The following CADPS variants were observed in gnomAD, a reference collection of about 807,000 sequenced individuals.
The protein encoded by CADPS is calcium-dependent secretion activator 1.
Under a neutral mutation model 167.3 loss-of-function variants are expected in CADPS, and 57 were observed. That is an observed-to-expected ratio of 0.34 (90% CI 0.28 to 0.42). CADPS has a LOEUF of 0.42. Ranked by LOEUF, CADPS falls within the 20% of genes least tolerant of loss-of-function variation. CADPS has a pLI of 1.00. For synonymous variants in CADPS, 676 were observed against 635.3 expected, an observed-to-expected ratio of 1.06 and a Z score of -0.96; for missense variants, 1,414 against 1,738.1, an observed-to-expected ratio of 0.81 and a Z score of 3.32.
At chr3:62,866,307 CTG>C (rs2081665776) in intron 1 of CADPS, among the ~76,000 whole-genome samples, 1 of 152,030 alleles carries the variant, frequency 6.6e-6, no homozygotes, top group Non-Finnish European at 1.5e-5. Context: ...GACAACGTCT[CTG>C]TAATAAAGGT....
In CADPS at chr3:62,412,008, T is replaced by C. The variant is rs1440905347; in HGVS notation, c.3778-8823A>G. 6.6e-6 allele frequency among the ~76,000 whole-genome samples: 1 copy of C among 152,068 alleles called. No homozygotes were observed. Among genetic ancestry groups the C allele is most frequent in the Non-Finnish European group, 1.5e-5 (1 of 68,024 alleles). ...CAGTCACAGCTTCAGGACGCGCAGCTAACAGCACAAAGCTATAATCAGACA... is the reference window on the plus strand; with the variant it reads ...CAGTCACAGCTTCAGGACGCGCAGCCAACAGCACAAAGCTATAATCAGACA... On this transcript the variant is annotated intron_variant, in intron 28 of 29. Coordinates refer to ENST00000383710, the MANE Select transcript of CADPS (RefSeq NM_003716.4). This position sits in a 1 kb window ranked among gnomAD's most constrained non-coding sequence, Gnocchi z 4.1.
intron 3 of CADPS, among the ~76,000 whole-genome samples, chr3:62,699,777 C>G (rs2081052988): frequency 6.6e-6 from 1 of 152,046 alleles, no homozygotes; most frequent in Non-Finnish European, 1.5e-5. Context: ...CTACGTTGAC[C>G]AGGCTGATCT....
At position 62,438,316 on chromosome 3, in the gene CADPS, T is replaced by C. The variant is rs1252523343; in HGVS notation, c.3670-105A>G. ...CTTGCCCTCACACACCCTGAGATGCTTCTGCTGGATCAGCTTTGTAGGCAT... is the reference window on the plus strand; with the variant it reads ...CTTGCCCTCACACACCCTGAGATGCCTCTGCTGGATCAGCTTTGTAGGCAT... On this transcript the variant is annotated intron_variant, in intron 27 of 29. Coordinates refer to ENST00000383710, the MANE Select transcript of CADPS (RefSeq NM_003716.4). This position sits in a 1 kb window ranked among gnomAD's most constrained non-coding sequence, Gnocchi z 4.7. The C allele has an allele frequency of 1.2e-5, 9 of 771,906 alleles. No homozygotes were observed. The highest frequency in any genetic ancestry group is 2.0e-5 in the Non-Finnish European group (9 of 451,626). The allele number at this position is 771,906 out of a possible 1,614,324, so 47.8% of individuals were successfully genotyped here. A position where few individuals can be genotyped will look rare whatever the true frequency, so the allele number is the denominator to read the frequency against.
intron 1 of CADPS, among the ~76,000 whole-genome samples, chr3:62,830,152 A>C (rs1397647470): frequency 1.3e-5 from 2 of 152,182 alleles, no homozygotes. Flanking sequence ...AAGCATCTTC[A>C]GGTAATATAT....
intron 3 of CADPS, among the ~76,000 whole-genome samples, chr3:62,734,165 G>A (rs141929064): frequency 2.6e-5 from 4 of 152,214 alleles, no homozygotes; most frequent in South Asian, 2.1e-4. Context: ...ACAGTTTGAC[G>A]AATTTTTACC....
intron 11 of CADPS, among the ~76,000 whole-genome samples, chr3:62,546,903 A>AGACT (rs2076536214): frequency 6.6e-6 from 1 of 152,162 alleles, no homozygotes; most frequent in Admixed American, 6.6e-5. Context: ...TACTGAGGGA[A>AGACT]GACTGTATTC....
At chr3:62,637,031 A>G (rs946262632) in intron 6 of CADPS, among the ~76,000 whole-genome samples, 6 of 151,848 alleles carry the variant, frequency 4.0e-5, no homozygotes, top group African/African-American at 1.5e-4. Flanking sequence ...TTTTCCTTCT[A>G]TTTCTTAACA....
At chr3:62,563,337 T>G (rs537078807) in intron 9 of CADPS, among the ~76,000 whole-genome samples, 7 of 152,344 alleles carry the variant, frequency 4.6e-5, no homozygotes, top group African/African-American at 1.7e-4. Context: ...TAATATTGTA[T>G]TCCCAGGTGA....
intron 6 of CADPS, among the ~76,000 whole-genome samples, chr3:62,623,572 G>GCCCTA (rs886219202): frequency 2.3e-4 from 35 of 152,086 alleles, no homozygotes; most frequent in African/African-American, 8.0e-4. Context: ...CAAGAATCAA[G>GCCCTA]CCCTAAATTG....
intron 13 of CADPS, among the ~76,000 whole-genome samples, 185 bp from the exon 14 acceptor site, chr3:62,518,435 T>C (rs1162490635): frequency 2.6e-5 from 4 of 152,176 alleles, no homozygotes; most frequent in African/African-American, 9.6e-5. Flanking sequence ...GGTTATCATT[T>C]TGGAAACATG....
chr3:62,717,650 A>T (rs2084943124), intron 3 of CADPS, among the ~76,000 whole-genome samples: 3 of 152,066 alleles, frequency 2.0e-5, no homozygotes. Context: ...TCAATATCAC[A>T]AGACACCATC....
intron 3 of CADPS, among the ~76,000 whole-genome samples, chr3:62,735,087 C>T (rs1029616150): frequency 6.6e-6 from 1 of 151,990 alleles, no homozygotes; most frequent in South Asian, 2.1e-4. Context: ...GTATTTATAA[C>T]GCATTTTTTT....
chr3:62,421,483 G>A lies in CADPS; in HGVS notation c.3777+16621C>T, dbSNP rs1433726404. Among the ~76,000 whole-genome samples the A allele has an allele frequency of 6.6e-6, 1 of 152,180 alleles. No homozygotes were observed. Among genetic ancestry groups the A allele is most frequent in the African/African-American group, 2.4e-5 (1 of 41,424 alleles). Reference sequence around the variant, plus strand: ...CGGAACTGCGCCGTGCAGCTTATCCGCATGCACCCACAGCAGCTGTCACTT... The same window carrying A: ...CGGAACTGCGCCGTGCAGCTTATCCACATGCACCCACAGCAGCTGTCACTT... On this transcript the variant is annotated intron_variant, in intron 28 of 29. Coordinates refer to ENST00000383710, the MANE Select transcript of CADPS (RefSeq NM_003716.4). The surrounding 1 kb of genome is among the most constrained non-coding windows in gnomAD (Gnocchi z 4.7).
intron 18 of CADPS, among the ~76,000 whole-genome samples, chr3:62,495,639 G>T (rs1266056713): frequency 6.6e-6 from 1 of 152,158 alleles, no homozygotes; most frequent in Non-Finnish European, 1.5e-5. Flanking sequence ...TGTATATTTT[G>T]CACACAAACT....
chr3:62,605,822 C>G (rs776468288), intron 6 of CADPS, among the ~76,000 whole-genome samples: 3 of 152,188 alleles, frequency 2.0e-5, no homozygotes, highest in Admixed American at 1.3e-4. Context: ...CAAAGATGCA[C>G]AAGTAATCCA....
At chr3:62,432,751 T>G (rs903211865) in intron 28 of CADPS, among the ~76,000 whole-genome samples, 5 of 152,160 alleles carry the variant, frequency 3.3e-5, no homozygotes, top group African/African-American at 4.8e-5. Context: ...GCTGAGGCTC[T>G]TAGAGATTAA....
intron 6 of CADPS, among the ~76,000 whole-genome samples, chr3:62,639,422 T>C (rs2066971567): frequency 6.6e-6 from 1 of 152,092 alleles, no homozygotes; most frequent in East Asian, 1.9e-4. Context: ...CTCATTCCCT[T>C]TCCCATTCAG....
At chr3:62,563,367 C>T (rs1168460491) in intron 9 of CADPS, among the ~76,000 whole-genome samples, 4 of 152,078 alleles carry the variant, frequency 2.6e-5, no homozygotes, top group East Asian at 3.9e-4. Flanking sequence ...TATTCCAAGG[C>T]ATTATATATT....
At chr3:62,725,423 A>AT (rs1296375407) in intron 3 of CADPS, among the ~76,000 whole-genome samples, 1 of 152,212 alleles carries the variant, frequency 6.6e-6, no homozygotes, top group Non-Finnish European at 1.5e-5. Context: ...GCCCGGATCA[A>AT]TTATCCCATA....
Sources: gnomAD v4.1 joint callset for allele counts (sites outside exome capture counted in the v4.1 genomes callset) on GRCh38, gnomAD v4.1.1 for gene constraint, Gnocchi (gnomAD v3.1) non-coding constraint, MANE v1.5 for transcripts, NCBI Gene and HGNC (gene_info 2026-07-23, HGNC 2026-07-21) for gene names.